Variants in METTL24 observed in about 807,000 individuals in gnomAD.
The protein encoded by METTL24 is probable methyltransferase-like protein 24.
In METTL24, 29 loss-of-function variants were observed where a neutral mutation model predicts 32.7. That is an observed-to-expected ratio of 0.89 (90% CI 0.66 to 1.21). The LOEUF (loss-of-function observed/expected upper bound fraction) is 1.21, where lower values mean the gene tolerates loss of function less well. Among genes scored for constraint, METTL24 ranks in the 50% most tolerant of loss-of-function variants. The pLI is 0.00. For synonymous variants in METTL24, 163 were observed against 179.5 expected, an observed-to-expected ratio of 0.91 and a Z score of 0.73; for missense variants, 439 against 468.1, an observed-to-expected ratio of 0.94 and a Z score of 0.57.
chr6:110,307,078 G>A (rs960928968), intron 3 of METTL24, among the ~76,000 whole-genome samples: 1 of 152,204 alleles, frequency 6.6e-6, no homozygotes, highest in African/African-American at 2.4e-5. Flanking sequence ...TGAGGCAGGG[G>A]CTGGAATTCT....
intron 4 of METTL24, among the ~76,000 whole-genome samples, chr6:110,289,941 T>G (rs1272927564): frequency 6.6e-6 from 1 of 150,394 alleles, no homozygotes; most frequent in African/African-American, 2.5e-5. Flanking sequence ...TTCGTACAGT[T>G]TAAGGATATT....
intron 3 of METTL24, among the ~76,000 whole-genome samples, chr6:110,302,548 C>A: frequency 9.2e-6 from 1 of 108,568 alleles, no homozygotes; most frequent in Non-Finnish European, 1.7e-5. Context: ...TATACACACA[C>A]ATATGTGTAT....
At chr6:110,331,651 C>A (rs1410511054) in intron 1 of METTL24, among the ~76,000 whole-genome samples, 7 of 139,054 alleles carry the variant, frequency 5.0e-5, no homozygotes, top group African/African-American at 2.0e-4. Context: ...CAAAGTGAGA[C>A]CCTGCCTCAA....
intron 1 of METTL24, among the ~76,000 whole-genome samples, chr6:110,330,606 A>G (rs1772095782): frequency 6.6e-6 from 1 of 152,022 alleles, no homozygotes. Context: ...TAATAGATGG[A>G]CCTCTGGAGC....
intron 4 of METTL24, among the ~76,000 whole-genome samples, chr6:110,291,346 G>A (rs1210450979): frequency 1.3e-5 from 2 of 152,030 alleles, no homozygotes; most frequent in Non-Finnish European, 2.9e-5. Flanking sequence ...TTAGGTCTAT[G>A]TTCCACTTCA....
intron 2 of METTL24, among the ~76,000 whole-genome samples, chr6:110,316,764 C>T (rs1175605774): frequency 6.6e-6 from 1 of 152,120 alleles, no homozygotes. Context: ...GGCATGGTGG[C>T]ATGTGCCTGT....
At chr6:110,298,818 C>A (rs2878176) in intron 4 of METTL24, 104 bp downstream of exon 4, 130 of 937,654 alleles carry the variant, frequency 1.4e-4, no homozygotes, top group Admixed American at 4.9e-4. Context: ...TAAAATCGGA[C>A]CTTCAGCTAT....
At chr6:110,330,480 G>A (rs1772093853) in intron 1 of METTL24, among the ~76,000 whole-genome samples, 1 of 152,228 alleles carries the variant, frequency 6.6e-6, no homozygotes, top group Admixed American at 6.5e-5. Context: ...CTGGGGAGAA[G>A]GAGTAGCTTG....
At chr6:110,271,082 A>G (rs1770950341) in intron 4 of METTL24, among the ~76,000 whole-genome samples, 1 of 151,426 alleles carries the variant, frequency 6.6e-6, no homozygotes, top group East Asian at 1.9e-4. Flanking sequence ...CTGGTCTCGA[A>G]CTCCTGACCT....
At chr6:110,269,340 T>C (rs1189662096) in intron 4 of METTL24, among the ~76,000 whole-genome samples, 2 of 152,306 alleles carry the variant, frequency 1.3e-5, no homozygotes, top group South Asian at 4.1e-4. Flanking sequence ...GCTGTTGTTG[T>C]TGTTTTCCCT....
At chr6:110,316,185 C>G (rs1379292795) in intron 2 of METTL24, among the ~76,000 whole-genome samples, 1 of 152,132 alleles carries the variant, frequency 6.6e-6, no homozygotes, top group Non-Finnish European at 1.5e-5. Context: ...GAGGCTCTTC[C>G]TGAGCTAACA....
At chr6:110,335,367 CAT>C (rs1417639695) in intron 1 of METTL24, among the ~76,000 whole-genome samples, 1 of 152,142 alleles carries the variant, frequency 6.6e-6, no homozygotes, top group East Asian at 1.9e-4. Flanking sequence ...AACTGTATAA[CAT>C]AGCAGATCTA....
chr6:110,265,472 G>T (rs1770839837), intron 4 of METTL24, among the ~76,000 whole-genome samples: 1 of 152,172 alleles, frequency 6.6e-6, no homozygotes, highest in African/African-American at 2.4e-5. Context: ...ACTTCTAGCT[G>T]ACCTCAATGC....
intron 3 of METTL24, among the ~76,000 whole-genome samples, chr6:110,305,709 C>T (rs559330293): frequency 3.3e-5 from 5 of 152,044 alleles, no homozygotes; most frequent in Admixed American, 1.3e-4. Context: ...GAAATAGGAA[C>T]GCTTTTACAC....
chr6:110,312,418 C>T (rs934767178), intron 3 of METTL24, among the ~76,000 whole-genome samples: 33 of 152,152 alleles, frequency 2.2e-4, no homozygotes, highest in Admixed American at 2.0e-4. Flanking sequence ...TATTGCAGCA[C>T]TATTCACAAT....
chr6:110,322,696 C>T (rs1771948697), intron 2 of METTL24, 78 bp downstream of exon 2: 1 of 1,244,508 alleles, frequency 8.0e-7, no homozygotes, highest in Non-Finnish European at 1.2e-6. Flanking sequence ...CTGAGAACCT[C>T]CCCCACCTCC....
intron 4 of METTL24, among the ~76,000 whole-genome samples, chr6:110,248,572 A>G (rs1291889960): frequency 1.3e-5 from 2 of 148,960 alleles, no homozygotes; most frequent in Admixed American, 6.6e-5. Context: ...ACCTTTCTTC[A>G]TGAGAGGAAC....
At chr6:110,274,884 C>G (rs1294796183) in intron 4 of METTL24, among the ~76,000 whole-genome samples, 1 of 150,082 alleles carries the variant, frequency 6.7e-6, no homozygotes, top group African/African-American at 2.5e-5. Flanking sequence ...CTACAACCTC[C>G]ACCTCTCAGG....
intron 1 of METTL24, among the ~76,000 whole-genome samples, chr6:110,331,659 CA>C (rs59304999): frequency 7.2e-3 from 423 of 58,848 alleles, no homozygotes; most frequent in East Asian, 0.056. Flanking sequence ...GACCCTGCCT[CA>C]AAAAAAAAAA....
Sources: gnomAD v4.1 joint callset for allele counts (sites outside exome capture counted in the v4.1 genomes callset) on GRCh38, gnomAD v4.1.1 for gene constraint, MANE v1.5 for transcripts, NCBI Gene and HGNC (gene_info 2026-07-23, HGNC 2026-07-21) for gene names.